Variants in SOX6 observed in about 807,000 individuals in gnomAD.
SOX6 encodes transcription factor SOX-6.
A neutral mutation model predicts 97.8 loss-of-function variants in SOX6; 11 were observed. The observed-to-expected ratio is 0.11, with a 90% CI of 0.07 to 0.19. The LOEUF (loss-of-function observed/expected upper bound fraction) is 0.19, where lower values mean the gene tolerates loss of function less well. SOX6 is among the 10% of genes least tolerant of loss of function. The pLI is 1.00. For synonymous variants in SOX6, 360 were observed against 371.4 expected, an observed-to-expected ratio of 0.97 and a Z score of 0.35; for missense variants, 810 against 1,039.5, an observed-to-expected ratio of 0.78 and a Z score of 3.04.
At chr11:16,132,339 AAAG>A (rs1450861059) in intron 6 of SOX6, among the ~76,000 whole-genome samples, 24 of 19,328 alleles carry the variant, frequency 1.2e-3, no homozygotes, top group Non-Finnish European at 1.9e-3. Flanking sequence ...AGGAAAGAAA[AAAG>A]AAAGAAAGAA....
intron 4 of SOX6, among the ~76,000 whole-genome samples, chr11:16,540,236 T>A (rs573824085): frequency 6.6e-6 from 1 of 152,246 alleles, no homozygotes; most frequent in South Asian, 2.1e-4. Flanking sequence ...ATTATCTCAA[T>A]AGATGCAGAA....
chr11:16,292,735 AC>A (rs1420289110), intron 3 of SOX6, among the ~76,000 whole-genome samples: 1 of 152,180 alleles, frequency 6.6e-6, no homozygotes, highest in Non-Finnish European at 1.5e-5. Flanking sequence ...ATGCTTCTCT[AC>A]CCGACAAGGT....
intron 3 of SOX6, among the ~76,000 whole-genome samples, chr11:16,237,035 TGAAAATATTTAATAGCAACCACTG>T (rs1312011872): frequency 5.1e-4 from 77 of 152,126 alleles, no homozygotes; most frequent in Non-Finnish European, 9.0e-4. Flanking sequence ...TTTTCAGCCA[TGAAAATATTTAATAGCAACCACTG>T]ATTGCCTTTA....
chr11:16,684,149 C>G (rs1195671468), intron 3 of SOX6, among the ~76,000 whole-genome samples: 1 of 152,148 alleles, frequency 6.6e-6, no homozygotes, highest in African/African-American at 2.4e-5. Context: ...TAAATTAGTT[C>G]AACCATTGTG....
Position 16,015,032 on chromosome 11 carries a change from T to C in SOX6, c.1642A>G (p.Asn548Asp). Residue 548 changes from asparagine (N) to aspartate (D), a missense_variant, in exon 13 of 16, where the codon AAT becomes GAT. Asn to Asp is a conservative substitution (Grantham distance 23). Transcript: ENST00000683767. ...TTTCCCGTTAACTGGGGCCCCAAATTCTCAAAGCGCGTTCTTTCCTAGAGG... is the reference window on the plus strand; with the variant it reads ...TTTCCCGTTAACTGGGGCCCCAAATCCTCAAAGCGCGTTCTTTCCTAGAGG... The part of the protein sequence containing the change: ...RNEKERTRFE[N>D]LGPQLTGKSN... 2 of 1,612,828 alleles carry C rather than the reference T, an allele frequency of 1.2e-6. No individual in the cohort carries two copies. Among genetic ancestry groups the C allele is most frequent in the Non-Finnish European group, 1.7e-6 (2 of 1,179,264 alleles).
intron 3 of SOX6, among the ~76,000 whole-genome samples, chr11:16,701,809 G>A (rs1309984940): frequency 1.3e-5 from 2 of 151,192 alleles, no homozygotes; most frequent in Middle Eastern, 3.2e-3. Context: ...CAGGAGAATG[G>A]TGTGAACCCA....
chr11:16,348,087 G>A (rs1276734830), intron 1 of SOX6, among the ~76,000 whole-genome samples: 2 of 151,868 alleles, frequency 1.3e-5, no homozygotes, highest in Admixed American at 1.3e-4. Flanking sequence ...AAAAGGGGAG[G>A]AGAAAAACAA....
chr11:16,176,427 TA>T (rs905878885), intron 6 of SOX6, among the ~76,000 whole-genome samples: 28 of 151,740 alleles, frequency 1.8e-4, no homozygotes, highest in Non-Finnish European at 3.2e-4. Context: ...AAGGTAGTTA[TA>T]AAAAAAAGTT....
intron 9 of SOX6, among the ~76,000 whole-genome samples, chr11:16,077,699 T>C (rs970497102): frequency 6.6e-6 from 1 of 152,068 alleles, no homozygotes; most frequent in Non-Finnish European, 1.5e-5. Flanking sequence ...AGCAAACTAA[T>C]GCAGGAACAG....
At chr11:16,494,075 G>A (rs1354765861) in intron 4 of SOX6, among the ~76,000 whole-genome samples, 1 of 152,116 alleles carries the variant, frequency 6.6e-6, no homozygotes, top group Non-Finnish European at 1.5e-5. Flanking sequence ...ATATAATGTA[G>A]TCAGTTACAA....
chr11:16,423,359 T>A (rs1436346430), intron 1 of SOX6, among the ~76,000 whole-genome samples: 1 of 152,198 alleles, frequency 6.6e-6, no homozygotes, highest in Non-Finnish European at 1.5e-5. Context: ...TGTACCGCCA[T>A]CACTCTCAAT....
chr11:16,346,434 A>G (rs1856779243), intron 1 of SOX6, among the ~76,000 whole-genome samples: 1 of 152,040 alleles, frequency 6.6e-6, no homozygotes, highest in Admixed American at 6.6e-5. Flanking sequence ...GGTACATCCT[A>G]ATTCTAGACA....
At chr11:16,386,303 G>A (rs985495593) in intron 1 of SOX6, among the ~76,000 whole-genome samples, 2 of 147,562 alleles carry the variant, frequency 1.4e-5, no homozygotes, top group African/African-American at 5.0e-5. Context: ...CTGATTCTAA[G>A]TTGAGAATAT....
At chr11:15,975,448 T>A (rs1482282022) in intron 15 of SOX6, among the ~76,000 whole-genome samples, 5 of 152,228 alleles carry the variant, frequency 3.3e-5, no homozygotes, top group Non-Finnish European at 7.3e-5. Context: ...CAAGCTGATC[T>A]GTAATACAAA....
chr11:16,289,339 A>G (rs971437776), intron 3 of SOX6, among the ~76,000 whole-genome samples: 4 of 151,940 alleles, frequency 2.6e-5, no homozygotes, highest in Non-Finnish European at 5.9e-5. Context: ...AGTAACTGAC[A>G]AGTCTGGCAC....
rs749450794 is a variant in SOX6 at position 16,402,793 on chromosome 11, C to A, written c.-4-61541G>T. 4 of 1,590,858 alleles carry A rather than the reference C, an allele frequency of 2.5e-6. No individual in the cohort carries two copies. In the African/African-American group the frequency reaches 5.4e-5, roughly 21 times the overall value. On this transcript the variant is annotated intron_variant, in intron 1 of 15. Coordinates refer to the SOX6 transcript ENST00000396356. ...AACAATCTACTATTGTTACATGAGA[C>A]AACAACCTTTCATGTCCTTGAAGCT...
intron 4 of SOX6, among the ~76,000 whole-genome samples, chr11:16,190,566 T>C (rs1049557527): frequency 4.6e-5 from 7 of 152,190 alleles, no homozygotes; most frequent in Non-Finnish European, 8.8e-5. Context: ...TACCAGGCCA[T>C]TTTACATAAG....
At chr11:16,126,624 T>G (rs146885640) in intron 6 of SOX6, among the ~76,000 whole-genome samples, 78 of 152,256 alleles carry the variant, frequency 5.1e-4, no homozygotes, top group Non-Finnish European at 9.3e-4. Context: ...TTGTTTATGT[T>G]GTACCAGCAA....
chr11:15,988,944 C>G, intron 14 of SOX6, 53 bp downstream of exon 14: 1 of 1,536,736 alleles, frequency 6.5e-7, no homozygotes, highest in East Asian at 2.3e-5. Context: ...CCTGGTGGCA[C>G]TCATGGGATT....
Sources: gnomAD v4.1 joint callset for allele counts (sites outside exome capture counted in the v4.1 genomes callset) on GRCh38, gnomAD v4.1.1 for gene constraint, MANE v1.5 for transcripts, NCBI Gene and HGNC (gene_info 2026-07-23, HGNC 2026-07-21) for gene names.